CENPW: variants seen among roughly 807,000 people sequenced by gnomAD.
CENPW encodes the protein cancer-up-regulated gene 2 protein.
A neutral mutation model predicts 11.1 loss-of-function variants in CENPW; 3 were observed. The ratio of observed to expected loss-of-function variants is 0.27; its 90% CI spans 0.12 to 0.70. The LOEUF is 0.70. Among genes scored for constraint, CENPW ranks in the 30% least tolerant of loss-of-function variants. The pLI, the probability that CENPW is intolerant of heterozygous loss-of-function variation, is 0.77. For synonymous variants in CENPW, 38 were observed against 42.0 expected, an observed-to-expected ratio of 0.91 and a Z score of 0.37; for missense variants, 100 against 105.6, an observed-to-expected ratio of 0.95 and a Z score of 0.23.
the CENPW span, among the ~76,000 whole-genome samples, chr6:126,362,957 G>A: frequency 6.6e-6 from 1 of 152,080 alleles, no homozygotes; most frequent in South Asian, 2.1e-4. Flanking sequence ...TGGCTTGCAT[G>A]CTGAAATTTT....
chr6:126,373,600 G>C, the CENPW span, among the ~76,000 whole-genome samples: 2 of 152,174 alleles, frequency 1.3e-5, no homozygotes, highest in East Asian at 3.9e-4. Flanking sequence ...TCAAATCATA[G>C]CTAGGCTAGA....
At chr6:126,364,648 A>G in the CENPW span, among the ~76,000 whole-genome samples, 14 of 152,094 alleles carry the variant, frequency 9.2e-5, no homozygotes, top group African/African-American at 3.4e-4. Flanking sequence ...ACTTTTTCCT[A>G]TCAAGGTTGT....
the CENPW span, among the ~76,000 whole-genome samples, chr6:126,433,853 T>G: frequency 3.0e-4 from 45 of 152,182 alleles, no homozygotes; most frequent in African/African-American, 1.1e-3. Flanking sequence ...GCATAGAGGA[T>G]GATGATAATT....
chr6:126,481,374 G>A, the CENPW span, among the ~76,000 whole-genome samples: 2 of 151,892 alleles, frequency 1.3e-5, no homozygotes, highest in African/African-American at 2.4e-5. Context: ...TAATACTGTA[G>A]ACTGGGTAAT....
chr6:126,402,324 C>T, the CENPW span, among the ~76,000 whole-genome samples: 2 of 151,758 alleles, frequency 1.3e-5, no homozygotes, highest in Middle Eastern at 3.4e-3. Context: ...CTCCTCCCTT[C>T]CTTCCCCTCT....
chr6:126,345,092 C>T (rs1242970954), intron 1 of CENPW, among the ~76,000 whole-genome samples: 2 of 151,770 alleles, frequency 1.3e-5, no homozygotes, highest in Non-Finnish European at 2.9e-5. Context: ...GATTGAGATA[C>T]GACTTTAGCT....
At chr6:126,364,677 C>T in the CENPW span, among the ~76,000 whole-genome samples, 4 of 152,120 alleles carry the variant, frequency 2.6e-5, no homozygotes, top group African/African-American at 9.7e-5. Context: ...TGAGAAACAA[C>T]TCTGTTGTGA....
At chr6:126,401,282 C>G in the CENPW span, among the ~76,000 whole-genome samples, 1 of 151,956 alleles carries the variant, frequency 6.6e-6, no homozygotes, top group African/African-American at 2.4e-5. Flanking sequence ...GCTGGTTTGC[C>G]AGAGGGTTTT....
intron 1 of CENPW, among the ~76,000 whole-genome samples, chr6:126,345,881 A>G (rs1780399134): frequency 6.6e-6 from 1 of 152,178 alleles, no homozygotes; most frequent in South Asian, 2.1e-4. Context: ...ATAAATTTAA[A>G]TCCATTTGGA....
chr6:126,386,716 C>T, the CENPW span, among the ~76,000 whole-genome samples: 1 of 151,898 alleles, frequency 6.6e-6, no homozygotes, highest in Non-Finnish European at 1.5e-5. Context: ...ATTCCCCCTC[C>T]ACTGCCCTAC....
At chr6:126,455,924 T>G in the CENPW span, among the ~76,000 whole-genome samples, 1 of 151,072 alleles carries the variant, frequency 6.6e-6, no homozygotes, top group Non-Finnish European at 1.5e-5. Context: ...TCTATATGCC[T>G]ACAGTGTCCT....
the CENPW span, among the ~76,000 whole-genome samples, chr6:126,467,742 G>T: frequency 6.6e-6 from 1 of 152,106 alleles, no homozygotes; most frequent in Non-Finnish European, 1.5e-5. Context: ...ACTTGTTAAG[G>T]CGGGTTGCAC....
At chr6:126,452,912 A>G in the CENPW span, among the ~76,000 whole-genome samples, 1 of 151,124 alleles carries the variant, frequency 6.6e-6, no homozygotes, top group East Asian at 1.9e-4. Flanking sequence ...TTATAGAGGA[A>G]CAATGATTTG....
the CENPW span, among the ~76,000 whole-genome samples, chr6:126,398,340 A>C: frequency 6.6e-6 from 1 of 152,186 alleles, no homozygotes; most frequent in South Asian, 2.1e-4. Flanking sequence ...GTAGGTGCCA[A>C]ATAAATATGT....
At chr6:126,354,374 A>T in the CENPW span, among the ~76,000 whole-genome samples, 1 of 152,110 alleles carries the variant, frequency 6.6e-6, no homozygotes, top group African/African-American at 2.4e-5. Context: ...CCGAACACTA[A>T]TCTTTGACAT....
At chr6:126,458,875 C>G in the CENPW span, among the ~76,000 whole-genome samples, 99 of 151,398 alleles carry the variant, frequency 6.5e-4, no homozygotes, top group African/African-American at 2.3e-3. Flanking sequence ...ATTTTACATT[C>G]TCAGATCCCT....
chr6:126,386,310 C>G, the CENPW span, among the ~76,000 whole-genome samples: 1 of 152,018 alleles, frequency 6.6e-6, no homozygotes, highest in South Asian at 2.1e-4. Flanking sequence ...CACAAACTCC[C>G]CATGTGTATA....
chr6:126,397,323 G>A, the CENPW span, among the ~76,000 whole-genome samples: 1 of 152,232 alleles, frequency 6.6e-6, no homozygotes, highest in South Asian at 2.1e-4. Context: ...TTTGCTTTCT[G>A]CTGTGATAGG....
At chr6:126,404,100 T>C in the CENPW span, among the ~76,000 whole-genome samples, 2 of 152,136 alleles carry the variant, frequency 1.3e-5, no homozygotes, top group East Asian at 3.9e-4. Flanking sequence ...GACAGCATGG[T>C]TTACTGAATA....
Sources: allele counts gnomAD v4.1 joint callset (sites outside exome capture counted in the v4.1 genomes callset), GRCh38; gene constraint gnomAD v4.1.1; transcripts MANE v1.5; gene names NCBI Gene and HGNC (gene_info 2026-07-23, HGNC 2026-07-21).